The following ABTB3 variants were observed in gnomAD, a reference collection of about 807,000 sequenced individuals.
ABTB3 encodes ankyrin repeat and BTB domain containing 3, also known as ankyrin repeat- and BTB/POZ domain-containing protein 3.
chr12:107,433,333 G>A, the ABTB3 span, among the ~76,000 whole-genome samples: 2,718 of 144,480 alleles, frequency 0.019, 61 homozygotes, highest in African/African-American at 0.056. Flanking sequence ...AAGACAAGAA[G>A]AGCAGAGGGA....
chr12:107,322,022 C>T, the ABTB3 span, among the ~76,000 whole-genome samples: 1 of 152,042 alleles, frequency 6.6e-6, no homozygotes, highest in Non-Finnish European at 1.5e-5. Flanking sequence ...GCCTCAGTTG[C>T]CTCATCTGTA....
the ABTB3 span, among the ~76,000 whole-genome samples, chr12:107,357,367 G>A: frequency 7.9e-5 from 12 of 152,294 alleles, no homozygotes; most frequent in Non-Finnish European, 1.8e-4. Context: ...CAGAGACTCA[G>A]GAAGCCAAGA....
the ABTB3 span, among the ~76,000 whole-genome samples, chr12:107,516,944 A>G: frequency 6.6e-6 from 1 of 152,154 alleles, no homozygotes; most frequent in East Asian, 1.9e-4. Context: ...CTTCTTTTGC[A>G]TCTCCAAAAA....
the ABTB3 span, among the ~76,000 whole-genome samples, chr12:107,404,537 A>G: frequency 6.6e-6 from 1 of 152,304 alleles, no homozygotes; most frequent in South Asian, 2.1e-4. Context: ...GGGTGTGCCC[A>G]AGACTGCCTT....
the ABTB3 span, among the ~76,000 whole-genome samples, chr12:107,654,830 A>ACACACACACACG: frequency 2.0e-5 from 3 of 147,142 alleles, no homozygotes; most frequent in South Asian, 2.1e-4. Context: ...ACACACACAC[A>ACACACACACACG]CACACACACA....
chr12:107,590,806 G>A, the ABTB3 span, among the ~76,000 whole-genome samples: 3 of 152,106 alleles, frequency 2.0e-5, no homozygotes, highest in South Asian at 2.1e-4. Flanking sequence ...TTGCCATGTG[G>A]GATTTGGCTT....
chr12:107,503,632 C>T, the ABTB3 span, among the ~76,000 whole-genome samples: 3 of 151,648 alleles, frequency 2.0e-5, no homozygotes, highest in African/African-American at 7.3e-5. Context: ...TGGTTCACGC[C>T]TTCAGTCCCA....
At chr12:107,331,745 C>G in the ABTB3 span, among the ~76,000 whole-genome samples, 1 of 152,222 alleles carries the variant, frequency 6.6e-6, no homozygotes, top group African/African-American at 2.4e-5. Context: ...GCCTCTGATT[C>G]TGCTCAATCT....
At chr12:107,470,121 C>A in the ABTB3 span, among the ~76,000 whole-genome samples, 54 of 151,416 alleles carry the variant, frequency 3.6e-4, no homozygotes, top group Non-Finnish European at 6.8e-4. Context: ...TCACTGCAAC[C>A]TCCACCTCTC....
chr12:107,502,354 G>A, the ABTB3 span, among the ~76,000 whole-genome samples: 35 of 152,030 alleles, frequency 2.3e-4, 1 homozygote, highest in South Asian at 7.3e-3. Flanking sequence ...AAAGGTGTGA[G>A]CCACCGTGCC....
chr12:107,445,058 C>A, the ABTB3 span, among the ~76,000 whole-genome samples: 5 of 152,236 alleles, frequency 3.3e-5, no homozygotes, highest in African/African-American at 9.6e-5. Flanking sequence ...GCTCTCCCCC[C>A]AGCCTGGGGC....
At chr12:107,395,161 C>T in the ABTB3 span, among the ~76,000 whole-genome samples, 1 of 152,218 alleles carries the variant, frequency 6.6e-6, no homozygotes, top group Non-Finnish European at 1.5e-5. Context: ...GAGCTTTATT[C>T]TCTGCCCCAC....
the ABTB3 span, among the ~76,000 whole-genome samples, chr12:107,374,580 T>C: frequency 6.6e-6 from 1 of 152,226 alleles, no homozygotes; most frequent in African/African-American, 2.4e-5. Context: ...CCAGGATTCT[T>C]GGCTGTCCTG....
At chr12:107,416,597 G>A in the ABTB3 span, among the ~76,000 whole-genome samples, 1 of 152,124 alleles carries the variant, frequency 6.6e-6, no homozygotes, top group African/African-American at 2.4e-5. Context: ...GAACTAGAAA[G>A]CAGTTGGTTG....
the ABTB3 span, among the ~76,000 whole-genome samples, chr12:107,480,035 G>A: frequency 6.6e-6 from 1 of 152,160 alleles, no homozygotes; most frequent in Non-Finnish European, 1.5e-5. Flanking sequence ...AGAACATATA[G>A]TGGCACATGC....
At chr12:107,466,293 G>C in the ABTB3 span, among the ~76,000 whole-genome samples, 1 of 152,044 alleles carries the variant, frequency 6.6e-6, no homozygotes, top group Non-Finnish European at 1.5e-5. Flanking sequence ...GGTTAGAAGA[G>C]GGCAGAGGGA....
chr12:107,503,024 T>A, the ABTB3 span, among the ~76,000 whole-genome samples: 26 of 152,156 alleles, frequency 1.7e-4, no homozygotes, highest in Admixed American at 1.7e-3. Context: ...TTACTTACAG[T>A]TCCCAAGAGG....
chr12:107,482,411 G>T, the ABTB3 span, among the ~76,000 whole-genome samples: 1,349 of 152,232 alleles, frequency 8.9e-3, 32 homozygotes, highest in African/African-American at 0.031. Context: ...ATCTCACTTT[G>T]CTCTCTTCAT....
chr12:107,520,933 G>C, the ABTB3 span, among the ~76,000 whole-genome samples: 2 of 152,210 alleles, frequency 1.3e-5, no homozygotes, highest in Non-Finnish European at 2.9e-5. Context: ...CCTACCCAGA[G>C]TGTAGTTGCG....
Sources: gnomAD v4.1 joint callset for allele counts (sites outside exome capture counted in the v4.1 genomes callset) on GRCh38, gnomAD v4.1.1 for gene constraint, MANE v1.5 for transcripts, NCBI Gene and HGNC (gene_info 2026-07-23, HGNC 2026-07-21) for gene names.